CCDC7: variants seen among roughly 807,000 people sequenced by gnomAD.
CCDC7 encodes coiled-coil domain-containing protein 7.
Under a neutral mutation model 196.9 loss-of-function variants are expected in CCDC7, and 183 were observed. That is an observed-to-expected ratio of 0.93 (90% CI 0.82 to 1.05). The LOEUF (loss-of-function observed/expected upper bound fraction) is 1.05. Among genes scored for constraint, CCDC7 ranks in the 50% least tolerant of loss-of-function variants. The pLI, the probability that CCDC7 is intolerant of heterozygous loss-of-function variation, is 0.00. For missense variants in CCDC7, 1,540 were observed against 1,482.2 expected (o/e 1.04, Z -0.64); for synonymous variants, 525 against 484.6 (o/e 1.08, Z -1.10).
At chr10:32,446,627 T>A (rs917769227) in intron 1 of CCDC7, 2 of 152,210 alleles carry the variant, frequency 1.3e-5, no homozygotes, top group African/African-American at 4.8e-5. Context: ...GGATTTGAAA[T>A]GAATGTAAGT....
rs2051929118 is a variant in CCDC7 at position 32,543,777 on chromosome 10, A to G, written c.1079+392A>G. Among the ~76,000 whole-genome samples, 3 of 152,042 alleles carry G rather than the reference A, an allele frequency of 2.0e-5. No homozygotes were observed. The South Asian group carries it at 6.2e-4, about 31-fold the overall frequency. ...AATTGTATTATTCTTATAAAAAGTT[A>G]TTTATTTTTTGTGTATGTGTATTAT... is the stretch of plus-strand genomic sequence containing the variant. On this transcript the variant is annotated intron_variant, in intron 12 of 41. Coordinates refer to ENST00000639629, the Ensembl canonical transcript of CCDC7.
chr10:32,525,651 G>A (rs2048552756), intron 11 of CCDC7, among the ~76,000 whole-genome samples: 1 of 152,174 alleles, frequency 6.6e-6, no homozygotes, highest in African/African-American at 2.4e-5. Flanking sequence ...GATATTTATT[G>A]TAGTCTTCAC....
chr10:32,485,442 T>C (rs1227650808), intron 8 of CCDC7, among the ~76,000 whole-genome samples: 1 of 152,134 alleles, frequency 6.6e-6, no homozygotes, highest in Non-Finnish European at 1.5e-5. Context: ...TTTCAAAAAA[T>C]CAGCTCCTGG....
chr10:32,455,532 G>T (rs1319726031), intron 2 of CCDC7, among the ~76,000 whole-genome samples: 1 of 152,050 alleles, frequency 6.6e-6, no homozygotes, highest in Non-Finnish European at 1.5e-5. Context: ...GGCCAGGCTG[G>T]TCTTGAACTC....
At chr10:32,590,322 T>TAACAAC (rs138928507) in intron 18 of CCDC7, among the ~76,000 whole-genome samples, 6 of 151,470 alleles carry the variant, frequency 4.0e-5, no homozygotes. Flanking sequence ...ATTGCACAAA[T>TAACAAC]AACAACAACA....
intron 29 of CCDC7, among the ~76,000 whole-genome samples, chr10:32,800,381 A>G (rs997365875): frequency 2.0e-5 from 3 of 152,142 alleles, no homozygotes; most frequent in Non-Finnish European, 4.4e-5. Context: ...GCTACTAAGT[A>G]TGTCTGTCCC....
intron 21 of CCDC7, among the ~76,000 whole-genome samples, chr10:32,667,689 T>C (rs2073101157): frequency 6.6e-6 from 1 of 152,064 alleles, no homozygotes; most frequent in East Asian, 1.9e-4. Flanking sequence ...AGATGTGTGG[T>C]ATTATTTCTG....
At chr10:32,786,184 C>T (rs1565498250) in intron 29 of CCDC7, among the ~76,000 whole-genome samples, 1 of 152,122 alleles carries the variant, frequency 6.6e-6, no homozygotes, top group Non-Finnish European at 1.5e-5. Flanking sequence ...TCAGTGGTAA[C>T]ACACAGAATA....
intron 30 of CCDC7, among the ~76,000 whole-genome samples, chr10:32,812,189 T>G (rs948760345): frequency 6.6e-6 from 1 of 151,648 alleles, no homozygotes; most frequent in African/African-American, 2.4e-5. Flanking sequence ...TAACCAAATA[T>G]CACATGTACC....
chr10:32,519,045 A>C (rs900074620), intron 11 of CCDC7, among the ~76,000 whole-genome samples: 44 of 152,128 alleles, frequency 2.9e-4, no homozygotes, highest in Non-Finnish European at 4.9e-4. Flanking sequence ...AAAAATACTA[A>C]ATTTCAATAA....
At chr10:32,767,223 C>T (rs551494158) in intron 28 of CCDC7, among the ~76,000 whole-genome samples, 11 of 152,158 alleles carry the variant, frequency 7.2e-5, no homozygotes, top group African/African-American at 2.4e-4. Flanking sequence ...GACACATATG[C>T]ACACCATATT....
chr10:32,564,314 G>A (rs1168499535), intron 13 of CCDC7, among the ~76,000 whole-genome samples: 2 of 152,042 alleles, frequency 1.3e-5, no homozygotes, highest in Non-Finnish European at 2.9e-5. Context: ...TATATCCAAA[G>A]GACTATAAAT....
chr10:32,569,536 C>T (rs2057301318), intron 15 of CCDC7, among the ~76,000 whole-genome samples: 1 of 152,244 alleles, frequency 6.6e-6, no homozygotes, highest in South Asian at 2.1e-4. Flanking sequence ...AAGTGATTCT[C>T]CTGCCTCAGC....
intron 18 of CCDC7, among the ~76,000 whole-genome samples, chr10:32,605,914 A>G (rs961844465): frequency 2.0e-5 from 3 of 152,256 alleles, no homozygotes; most frequent in Non-Finnish European, 4.4e-5. Context: ...AGAGATTTGC[A>G]TAGCAAAAAG....
At chr10:32,833,862 G>C (rs959950542) in intron 32 of CCDC7, among the ~76,000 whole-genome samples, 1 of 152,012 alleles carries the variant, frequency 6.6e-6, no homozygotes, top group Non-Finnish European at 1.5e-5. Context: ...TTTCTCCAGA[G>C]CAAAACTTCT....
exon 19 of CCDC7, chr10:32,634,287 T>C (rs2065286384): frequency 2.5e-6 from 3 of 1,218,958 alleles, no homozygotes; most frequent in African/African-American, 1.6e-5. Flanking sequence ...AATCTTATGG[T>C]TGAAAATAAA....
At chr10:32,574,842 G>A (rs2058011338) in intron 16 of CCDC7, among the ~76,000 whole-genome samples, 1 of 152,156 alleles carries the variant, frequency 6.6e-6, no homozygotes, top group Admixed American at 6.5e-5. Context: ...ACATACAAGA[G>A]AAGAGTGTTG....
At chr10:32,570,156 C>T (rs753527917) in intron 15 of CCDC7, among the ~76,000 whole-genome samples, 1 of 152,148 alleles carries the variant, frequency 6.6e-6, no homozygotes, top group Non-Finnish European at 1.5e-5. Context: ...GAACCAATTG[C>T]GCTCTTCTCA....
intron 30 of CCDC7, among the ~76,000 whole-genome samples, chr10:32,812,320 C>A (rs1364505724): frequency 6.6e-6 from 1 of 151,738 alleles, no homozygotes; most frequent in African/African-American, 2.4e-5. Context: ...TAATATAATA[C>A]AAATTGGAAA....
Sources: gnomAD v4.1 joint callset for allele counts (sites outside exome capture counted in the v4.1 genomes callset) on GRCh38, gnomAD v4.1.1 for gene constraint, MANE v1.5 for transcripts, NCBI Gene and HGNC (gene_info 2026-07-23, HGNC 2026-07-21) for gene names.